The following SLC25A24 variants were observed in gnomAD, a reference collection of about 807,000 sequenced individuals.
SLC25A24 encodes the protein solute carrier family 25 member 24, also known as mitochondrial adenyl nucleotide antiporter SLC25A24.
SLC25A24 carries 49 observed loss-of-function variants against 60.7 expected under a neutral mutation model. The observed-to-expected ratio is 0.81, with a 90% CI of 0.64 to 1.02. The LOEUF (loss-of-function observed/expected upper bound fraction) is 1.02. Among genes scored for constraint, SLC25A24 ranks in the 50% least tolerant of loss-of-function variants. SLC25A24 has a pLI of 0.00. For synonymous variants in SLC25A24, 202 were observed against 200.6 expected, an observed-to-expected ratio of 1.01 and a Z score of -0.06; for missense variants, 564 against 586.3, an observed-to-expected ratio of 0.96 and a Z score of 0.39.
intron 3 of SLC25A24, among the ~76,000 whole-genome samples, chr1:108,167,054 G>C (rs180891931): frequency 0.035 from 4,722 of 136,258 alleles, 249 homozygotes; most frequent in African/African-American, 0.13. Context: ...CCGGCTGTGT[G>C]AGGTGTCAGT....
chr1:108,162,673 C>G (rs923367188), intron 3 of SLC25A24, among the ~76,000 whole-genome samples: 13 of 152,046 alleles, frequency 8.6e-5, no homozygotes, highest in African/African-American at 3.1e-4. Context: ...TGTTTGAGTT[C>G]ATTGTAGATT....
intron 6 of SLC25A24, among the ~76,000 whole-genome samples, chr1:108,152,908 A>G (rs1044162891): frequency 6.6e-5 from 10 of 152,204 alleles, no homozygotes; most frequent in Non-Finnish European, 1.3e-4. Context: ...AGTAAGTACT[A>G]AAGGGCATTT....
At chr1:108,155,631 G>A (rs1679876863) in intron 5 of SLC25A24, among the ~76,000 whole-genome samples, 1 of 152,038 alleles carries the variant, frequency 6.6e-6, no homozygotes, top group South Asian at 2.1e-4. Flanking sequence ...AAATGGGTCT[G>A]AAATGGTTTG....
chr1:108,164,639 TC>T (rs1680191243), intron 3 of SLC25A24, among the ~76,000 whole-genome samples: 1 of 149,820 alleles, frequency 6.7e-6, no homozygotes, highest in African/African-American at 2.4e-5. Context: ...GGTGGTGATA[TC>T]CCCTTTATCA....
chr1:108,169,412 T>C (rs1373132387), intron 3 of SLC25A24, among the ~76,000 whole-genome samples: 1 of 152,226 alleles, frequency 6.6e-6, no homozygotes. Flanking sequence ...ATCTTTTCTA[T>C]ACTGAGTCTT....
intron 1 of SLC25A24, among the ~76,000 whole-genome samples, chr1:108,197,137 GTTC>G (rs1236619900): frequency 6.6e-6 from 1 of 152,064 alleles, no homozygotes; most frequent in East Asian, 1.9e-4. Flanking sequence ...CTTCCAATTG[GTTC>G]TTAATTTTGT....
At chr1:108,152,334 T>A (rs1242477453) in intron 6 of SLC25A24, among the ~76,000 whole-genome samples, 1 of 152,080 alleles carries the variant, frequency 6.6e-6, no homozygotes, top group Non-Finnish European at 1.5e-5. Context: ...TGCTGCTCCT[T>A]CTGTTTCCAA....
chr1:108,147,894 ACT>A (rs143754371), intron 7 of SLC25A24, among the ~76,000 whole-genome samples: 58 of 148,648 alleles, frequency 3.9e-4, no homozygotes, highest in Non-Finnish European at 3.6e-4. Context: ...CATCTTAGGC[ACT>A]CTCTCTCTCT....
At chr1:108,160,242 C>T (rs1343185521) in intron 4 of SLC25A24, among the ~76,000 whole-genome samples, 3 of 148,254 alleles carry the variant, frequency 2.0e-5, no homozygotes, top group African/African-American at 5.0e-5. Context: ...CCAGACGGGG[C>T]GGCGGGGCAG....
Position 108,135,467 on chromosome 1 carries a change from T to C in SLC25A24, c.*1186A>G, listed in dbSNP as rs1316406218. ...TTCTAATCACACAAATAAGAAAAGA[T>C]AGTTGACTATAAAAATGGCTTTAGT... On this transcript the variant is annotated 3_prime_UTR_variant, in exon 10 of 10. Transcript: ENST00000565488. The C allele has an allele frequency of 6.6e-6, 1 of 152,390 alleles. No individual in the cohort carries two copies. Among genetic ancestry groups the C allele is most frequent in the East Asian group, 1.9e-4 (1 of 5,196 alleles). 9.4% of individuals were successfully genotyped at this position (152,390 alleles called of 1,614,324 possible).
At chr1:108,177,571 G>C (rs1237836781) in intron 3 of SLC25A24, among the ~76,000 whole-genome samples, 1 of 152,112 alleles carries the variant, frequency 6.6e-6, no homozygotes, top group East Asian at 1.9e-4. Flanking sequence ...AATGGAAAAA[G>C]ATATTCCATG....
Position 108,136,834 on chromosome 1 carries a change from A to G in SLC25A24, c.1253T>C (p.Met418Thr). The change falls in exon 10 of 10, where the codon ATG becomes ACG. Residue 418 changes from methionine (M) to threonine (T), a missense_variant. By Grantham distance (81) the Met-to-Thr change is moderately conservative. Transcript: ENST00000565488. ...LVRTRMQAQA[M>T]LEGSPQLNMV... ...ATTCAGCTGTGGGGAACCTTCTAAC[A>G]TGGCTAAAAAATAAAAAAAGAGGGT... is the stretch of plus-strand genomic sequence containing the variant. 1.2e-6 allele frequency: 2 copies of G among 1,612,006 alleles called. No homozygotes were observed. The highest frequency in any genetic ancestry group is 1.7e-6 in the Non-Finnish European group (2 of 1,179,244).
intron 3 of SLC25A24, among the ~76,000 whole-genome samples, chr1:108,168,603 G>T (rs576090323): frequency 2.0e-5 from 3 of 152,154 alleles, no homozygotes; most frequent in African/African-American, 7.2e-5. Flanking sequence ...ATTACTAAAC[G>T]TGTTGAGCAT....
intron 2 of SLC25A24, among the ~76,000 whole-genome samples, chr1:108,183,537 C>T (rs1189685227): frequency 6.6e-6 from 1 of 152,118 alleles, no homozygotes; most frequent in East Asian, 1.9e-4. Context: ...AATACATAAC[C>T]ATGTCTTATG....
intron 9 of SLC25A24, among the ~76,000 whole-genome samples, chr1:108,137,597 T>C (rs1679325757): frequency 6.6e-6 from 1 of 152,204 alleles, no homozygotes; most frequent in Admixed American, 6.5e-5. Context: ...TCTGAACAGA[T>C]GTAAAATGAT....
Position 108,139,158 on chromosome 1 carries a change from AGG to A in SLC25A24, c.1147_1148del (p.Pro383TrpfsTer83). 4 of 1,610,008 alleles carry A rather than the reference AGG, an allele frequency of 2.5e-6. No homozygotes were observed. Among genetic ancestry groups the A allele is most frequent in the African/African-American group, 1.3e-5 (1 of 74,954 alleles). On this transcript the variant is annotated frameshift_variant, in exon 9 of 10. Coordinates refer to ENST00000565488, the MANE Select transcript of SLC25A24 (RefSeq NM_013386.5). LOFTEE classifies it high-confidence loss of function. The part of the protein sequence containing the change: ...LDNFAKDSVN[P>X]GVMVLLGCGA... ...CGCATCCCAGCAACACCATGACTCC[AGG>A]GTTTACAGAATCTTTTGCAAAATTA...
intron 8 of SLC25A24, 100 bp downstream of exon 8, chr1:108,143,443 C>G: frequency 2.0e-6 from 2 of 986,938 alleles, no homozygotes; most frequent in Non-Finnish European, 3.0e-6. Context: ...TACTTCTGGT[C>G]ACACACTGTT....
At chr1:108,178,160 C>CAAA (rs1475786697) in intron 3 of SLC25A24, among the ~76,000 whole-genome samples, 1 of 95,602 alleles carries the variant, frequency 1.0e-5, no homozygotes, top group Admixed American at 1.0e-4. Flanking sequence ...GACTCCGTCT[C>CAAA]AAAAACAACA....
intron 9 of SLC25A24, among the ~76,000 whole-genome samples, chr1:108,137,728 C>T (rs974474777): frequency 2.0e-5 from 3 of 152,186 alleles, no homozygotes; most frequent in Non-Finnish European, 4.4e-5. Flanking sequence ...CTGCATGTGT[C>T]TGAATTTCAG....
Sources: allele counts gnomAD v4.1 joint callset (sites outside exome capture counted in the v4.1 genomes callset), GRCh38; gene constraint gnomAD v4.1.1; transcripts MANE v1.5; gene names NCBI Gene and HGNC (gene_info 2026-07-23, HGNC 2026-07-21).